RGMA: variants seen among roughly 807,000 people sequenced by gnomAD.
RGMA encodes repulsive guidance molecule BMP co-receptor a.
A neutral mutation model predicts 23.2 loss-of-function variants in RGMA; 10 were observed. The ratio of observed to expected loss-of-function variants is 0.43; its 90% CI spans 0.27 to 0.73. The LOEUF is 0.73. RGMA is among the 30% of genes least tolerant of loss of function. RGMA has a pLI of 0.20. For synonymous variants in RGMA, 308 were observed against 279.3 expected (o/e 1.10, Z -1.03); for missense variants, 547 against 630.5 (o/e 0.87, Z 1.42).
At position 93,038,077 on chromosome 15, in the gene RGMA, GA is replaced by G; in HGVS notation, c.*6920del. On this transcript the variant is annotated 3_prime_UTR_variant, in exon 4 of 4. Transcript: ENST00000329082. ...ACACCATGTCTATATCTTAGGGAGG[GA>G]AGGATTAAAAAGTCGAAATGTTGAA... 6.6e-6 allele frequency: 1 copy of G among 152,350 alleles called. No individual in the cohort carries two copies. Among genetic ancestry groups the G allele is most frequent in the East Asian group, 1.9e-4 (1 of 5,186 alleles). The allele number at this position is 152,350 out of a possible 1,614,324, so 9.4% of individuals were successfully genotyped here.
At chr15:93,087,995 G>A (rs527982434) in intron 1 of RGMA, among the ~76,000 whole-genome samples, 19 of 152,170 alleles carry the variant, frequency 1.2e-4, no homozygotes, top group Admixed American at 1.0e-3. Context: ...CGCAGCCTAA[G>A]AGGAATGCAC....
At chr15:93,084,182 T>C (rs1895601294) in intron 1 of RGMA, among the ~76,000 whole-genome samples, 1 of 152,234 alleles carries the variant, frequency 6.6e-6, no homozygotes, top group Non-Finnish European at 1.5e-5. Context: ...TCCGTGGCTA[T>C]GTTCCTGTAA....
At position 93,052,339 on chromosome 15, in the gene RGMA, T is replaced by C. The variant is rs1353326471; in HGVS notation, c.299A>G (p.His100Arg). The C allele has an allele frequency of 6.2e-7, 1 of 1,602,012 alleles. No individual in the cohort carries two copies. The highest frequency in any genetic ancestry group is 8.5e-7 in the Non-Finnish European group (1 of 1,179,390). Residue 100 changes from histidine to arginine, a missense_variant, in exon 3 of 4, where the codon CAC (histidine) becomes CGC (arginine). Around this residue, in one of 3 missense-constraint regions of RGMA, gnomAD observed 214 missense variants for 234.7 expected, o/e 0.91. Coordinates refer to ENST00000329082, the MANE Select transcript of RGMA (RefSeq NM_020211.3). ...ARTCRGDLAY[H>R]SAVHGIEDLM... is the part of the protein sequence containing the mutation. ...GTCCTCTATGCCATGGACGGCCGAG[T>C]GGTAGGCCAGGTCACCCCGGCAGGT... is the stretch of plus-strand genomic sequence containing the variant.
intron 2 of RGMA, chr15:93,066,345 A>G (rs1407310923): frequency 4.0e-6 from 3 of 756,594 alleles, no homozygotes; most frequent in Non-Finnish European, 7.3e-6. Context: ...GACAGTGCCC[A>G]GGACTCGGAG....
rs4299103 is a variant in RGMA, at chr15:93,045,034, G to A, written c.1317C>T (p.Leu439=). The A allele has an allele frequency of 3.1e-5, 49 of 1,597,628 alleles. No individual in the cohort carries two copies. In the African/African-American group the frequency reaches 5.6e-4, roughly 18 times the overall value. The stretch of plus-strand genomic sequence containing the variant: ...CAGGGAGCAGGGCCAGGAGCGGGAC[G>A]AGGGCGCCCAGGAGGGGCCGGGGGG... ...PLAPRPLLGA[L]VPLLALLPVF... The change falls in exon 4 of 4, where the codon CTC becomes CTT. Residue 439 remains leucine, a synonymous_variant. Coordinates refer to ENST00000329082, the MANE Select transcript of RGMA (RefSeq NM_020211.3). This position sits in a 1 kb window ranked among gnomAD's most constrained non-coding sequence, Gnocchi z 6.9.
chr15:93,068,059 C>T (rs1421045510), intron 2 of RGMA, among the ~76,000 whole-genome samples: 1 of 152,094 alleles, frequency 6.6e-6, no homozygotes, highest in Non-Finnish European at 1.5e-5. Flanking sequence ...AGGCATGAGT[C>T]CAGGGGACAG....
chr15:93,041,210 T>G lies in RGMA; in HGVS notation c.*3788A>C, dbSNP rs558795270. On this transcript the variant is annotated 3_prime_UTR_variant, in exon 4 of 4. Transcript: ENST00000329082. Reference sequence around the variant, plus strand: ...TAAAGGCCATTTCTCTCCTGTCCTATAGCCTTGCACATTCTGGTTAGCTAA... The same window carrying G: ...TAAAGGCCATTTCTCTCCTGTCCTAGAGCCTTGCACATTCTGGTTAGCTAA... The G allele has an allele frequency of 6.6e-6, 1 of 151,844 alleles. No individual in the cohort carries two copies. The highest frequency in any genetic ancestry group is 2.1e-4 in the South Asian group (1 of 4,782). 9.4% of individuals were successfully genotyped at this position (151,844 alleles called of 1,614,324 possible).
chr15:93,045,708 G>A lies in RGMA; in HGVS notation c.646-3C>T, dbSNP rs1177623853. ...AAGTTCTTGAAGATGATGGTGAGCT[G>A]CCGGGGAAAGGGGCAGAGGAGAGTG... is the stretch of plus-strand genomic sequence containing the variant. On this transcript the variant is annotated splice_region_variant and splice_polypyrimidine_tract_variant and intron_variant, in intron 3 of 3. Transcript: ENST00000329082. This position sits in a 1 kb window ranked among gnomAD's most constrained non-coding sequence, Gnocchi z 6.9. 6.3e-7 allele frequency: 1 copy of A among 1,598,934 alleles called. No individual in the cohort carries two copies. Among genetic ancestry groups the A allele is most frequent in the East Asian group, 2.2e-5 (1 of 44,850 alleles).
chr15:93,062,901 C>G (rs1468568192), intron 2 of RGMA: 2 of 152,448 alleles, frequency 1.3e-5, no homozygotes, highest in Non-Finnish European at 2.9e-5. Context: ...CTTCCCATGC[C>G]CATAACAATG....
intron 2 of RGMA, among the ~76,000 whole-genome samples, chr15:93,063,333 C>T (rs902147500): frequency 1.3e-5 from 2 of 152,242 alleles, no homozygotes; most frequent in Non-Finnish European, 2.9e-5. Flanking sequence ...GGGGGCTGGC[C>T]GGCTCACACC....
intron 2 of RGMA, among the ~76,000 whole-genome samples, chr15:93,069,114 TTTG>T (rs1895243914): frequency 6.6e-6 from 1 of 152,000 alleles, no homozygotes; most frequent in African/African-American, 2.4e-5. Context: ...GCATTTTTTT[TTTG>T]TTTGTTTTTT....
In RGMA at chr15:93,072,934, G is replaced by C. The variant is rs747056171; in HGVS notation, c.112C>G (p.Leu38Val). 6.2e-7 allele frequency: 1 copy of C among 1,608,662 alleles called. No homozygotes were observed. Among genetic ancestry groups the C allele is most frequent in the Non-Finnish European group, 8.5e-7 (1 of 1,177,990 alleles). Residue 38 changes from leucine to valine, a missense_variant, in exon 2 of 4, where the codon CTC (leucine) becomes GTC (valine). This residue lies in a region of RGMA where 214 missense variants were observed against 234.7 expected (regional missense o/e 0.91). Coordinates refer to ENST00000329082, the MANE Select transcript of RGMA (RefSeq NM_020211.3). ...LGFWPTLAFLLCSFPAATSPC... is the reference protein window; with the variant it reads ...LGFWPTLAFLVCSFPAATSPC... ...GCCTTACCTGCGGGGAAGCTGCAGA[G>C]AAGGAAGGCGAGGGTCGGCCAGAAT...
chr15:93,088,713 A>T, intron 1 of RGMA: 1 of 756,108 alleles, frequency 1.3e-6, no homozygotes, highest in Non-Finnish European at 1.9e-6. Context: ...TTTAGGAAAA[A>T]AGAACAAACA....
intron 1 of RGMA, among the ~76,000 whole-genome samples, chr15:93,079,445 C>T (rs747691214): frequency 4.6e-5 from 7 of 152,188 alleles, no homozygotes; most frequent in Non-Finnish European, 1.0e-4. Flanking sequence ...CATTGTGCTT[C>T]GTTCAGCTAG....
intron 2 of RGMA, among the ~76,000 whole-genome samples, chr15:93,062,074 G>T (rs1441579302): frequency 3.3e-5 from 5 of 151,934 alleles, no homozygotes; most frequent in Non-Finnish European, 7.4e-5. Flanking sequence ...GAGGGGTGGG[G>T]TGAGCCGGAG....
intron 2 of RGMA, among the ~76,000 whole-genome samples, chr15:93,054,513 T>C (rs2054981056): frequency 6.6e-6 from 1 of 152,176 alleles, no homozygotes; most frequent in Non-Finnish European, 1.5e-5. Context: ...GATGGTTTTA[T>C]AAATGGGAGT....
Position 93,088,913 on chromosome 15 carries a change from G to A in RGMA, c.14+6C>T, listed in dbSNP as rs558156901. Reference sequence around the variant, plus strand: ...CGGGTCTGCCCGGCTCCCGACCCGCGCTTACCTTGGCGGCTGCATGAGCCC... The same window carrying A: ...CGGGTCTGCCCGGCTCCCGACCCGCACTTACCTTGGCGGCTGCATGAGCCC... On this transcript the variant is annotated splice_donor_region_variant and intron_variant, in intron 1 of 3. Transcript: ENST00000329082. The A allele has an allele frequency of 6.8e-6, 10 of 1,468,606 alleles. No homozygotes were observed. In the East Asian group the frequency reaches 3.0e-4, roughly 43 times the overall value. The allele number at this position is 1,468,606 out of a possible 1,614,324, so 91.0% of individuals were successfully genotyped here.
chr15:93,045,248 A>C lies in RGMA; in HGVS notation c.1103T>G (p.Leu368Arg). 6.2e-7 allele frequency: 1 copy of C among 1,612,896 alleles called. No individual in the cohort carries two copies. The highest frequency in any genetic ancestry group is 8.5e-7 in the Non-Finnish European group (1 of 1,179,748). Residue 368 changes from leucine to arginine, a missense_variant, in exon 4 of 4, where the codon CTG (leucine) becomes CGG (arginine). This residue lies in a region of RGMA where 205 missense variants were observed against 204.1 expected (regional missense o/e 1.00). Coordinates refer to ENST00000329082, the MANE Select transcript of RGMA (RefSeq NM_020211.3). The surrounding 1 kb of genome is among the most constrained non-coding windows in gnomAD (Gnocchi z 6.9). ...CTGGTAGTACAGGTCCTCCACCGGC[A>C]GCTTCTCCTTGCACTTGGCCACGGC... ...ETAVAKCKEK[L>R]PVEDLYYQAC...
chr15:93,062,426 G>A (rs1894996162), intron 2 of RGMA, among the ~76,000 whole-genome samples: 1 of 152,198 alleles, frequency 6.6e-6, no homozygotes, highest in Non-Finnish European at 1.5e-5. Flanking sequence ...TGAATTTGAC[G>A]GGTGATGAAG....
Sources: gnomAD v4.1 joint callset for allele counts (sites outside exome capture counted in the v4.1 genomes callset) on GRCh38, gnomAD v4.1.1 for gene constraint, gnomAD v4.1.1 regional missense constraint, Gnocchi (gnomAD v3.1) non-coding constraint, MANE v1.5 for transcripts, NCBI Gene and HGNC (gene_info 2026-07-23, HGNC 2026-07-21) for gene names.